The following CTNNA3 variants were observed in gnomAD, a reference collection of about 807,000 sequenced individuals.
CTNNA3 encodes the protein catenin alpha 3.
A neutral mutation model predicts 95.7 loss-of-function variants in CTNNA3; 76 were observed. The observed-to-expected ratio is 0.79, with a 90% confidence interval of 0.66 to 0.96. The LOEUF (loss-of-function observed/expected upper bound fraction) is 0.96, where lower values mean the gene tolerates loss of function less well. Ranked by LOEUF, CTNNA3 falls within the 40% of genes least tolerant of loss-of-function variation. The pLI is 0.00. For missense variants in CTNNA3, 1,191 were observed against 1,089.8 expected (o/e 1.09, Z -1.31); for synonymous variants, 431 against 374.4 (o/e 1.15, Z -1.74).
chr10:67,416,219 G>C (rs1322284839), intron 5 of CTNNA3, among the ~76,000 whole-genome samples: 2 of 152,034 alleles, frequency 1.3e-5, no homozygotes, highest in East Asian at 3.9e-4. Context: ...CCTATAGAAT[G>C]ATACAAGATA....
At chr10:66,891,877 A>T (rs546526893) in intron 7 of CTNNA3, among the ~76,000 whole-genome samples, 3 of 152,244 alleles carry the variant, frequency 2.0e-5, no homozygotes, top group African/African-American at 7.2e-5. Context: ...AATTTAACAA[A>T]TCAAGGAATC....
chr10:66,876,677 C>T (rs1844634536), intron 7 of CTNNA3, among the ~76,000 whole-genome samples: 1 of 138,646 alleles, frequency 7.2e-6, no homozygotes, highest in African/African-American at 2.7e-5. Flanking sequence ...CTAAATTCGG[C>T]CCTAACAATG....
At chr10:67,005,431 A>G (rs986716755) in intron 7 of CTNNA3, among the ~76,000 whole-genome samples, 33 of 152,050 alleles carry the variant, frequency 2.2e-4, no homozygotes, top group African/African-American at 8.0e-4. Context: ...TTCCTAATTC[A>G]AAATTATTTC....
At chr10:67,370,498 G>T (rs2132699001) in intron 5 of CTNNA3, among the ~76,000 whole-genome samples, 1 of 152,248 alleles carries the variant, frequency 6.6e-6, no homozygotes, top group Admixed American at 6.5e-5. Context: ...GTGTTTGCAT[G>T]CGAATAACGA....
chr10:67,724,470 A>G (rs1275573766), intron 1 of CTNNA3, among the ~76,000 whole-genome samples: 1 of 152,182 alleles, frequency 6.6e-6, no homozygotes, highest in Non-Finnish European at 1.5e-5. Context: ...TATTTACACC[A>G]CAGAAATGGC....
intron 10 of CTNNA3, among the ~76,000 whole-genome samples, chr10:66,543,530 CAACT>C (rs1564523024): frequency 6.6e-6 from 1 of 151,950 alleles, no homozygotes; most frequent in Non-Finnish European, 1.5e-5. Flanking sequence ...TTTATAGAGA[CAACT>C]ACCTACACAG....
intron 7 of CTNNA3, among the ~76,000 whole-genome samples, chr10:66,832,902 AT>A (rs1218858457): frequency 3.3e-5 from 5 of 151,932 alleles, no homozygotes; most frequent in African/African-American, 4.8e-5. Flanking sequence ...CTATTCAGAA[AT>A]TTTTTTTCTT....
intron 7 of CTNNA3, among the ~76,000 whole-genome samples, chr10:66,921,343 G>A (rs1353517360): frequency 2.0e-5 from 3 of 152,024 alleles, no homozygotes; most frequent in Admixed American, 6.6e-5. Context: ...TTTTGGGGAC[G>A]GTAAATGAGA....
At chr10:67,148,651 C>T (rs898981538) in intron 7 of CTNNA3, among the ~76,000 whole-genome samples, 4 of 152,188 alleles carry the variant, frequency 2.6e-5, no homozygotes, top group African/African-American at 4.8e-5. Context: ...TACTGACAAA[C>T]ATATCACATC....
At chr10:66,332,983 C>T (rs1419082628) in intron 12 of CTNNA3, among the ~76,000 whole-genome samples, 3 of 151,966 alleles carry the variant, frequency 2.0e-5, no homozygotes, top group Non-Finnish European at 4.4e-5. Flanking sequence ...GGAATTTATC[C>T]ATTTCTTTGA....
intron 11 of CTNNA3, among the ~76,000 whole-genome samples, chr10:66,450,205 T>C (rs1021830574): frequency 2.0e-5 from 3 of 152,118 alleles, no homozygotes; most frequent in African/African-American, 4.8e-5. Context: ...TAGAAACTCA[T>C]GTAATTTAAA....
intron 7 of CTNNA3, among the ~76,000 whole-genome samples, chr10:66,886,600 A>G (rs1276740376): frequency 2.0e-5 from 3 of 152,158 alleles, no homozygotes; most frequent in Non-Finnish European, 4.4e-5. Flanking sequence ...CTCCAGGACC[A>G]TCTAATTCAC....
chr10:66,686,183 A>G (rs558028558), intron 9 of CTNNA3, among the ~76,000 whole-genome samples: 1 of 152,240 alleles, frequency 6.6e-6, no homozygotes, highest in South Asian at 2.1e-4. Context: ...TTTTTTCTAT[A>G]TATCTCAGCT....
chr10:66,843,836 A>G (rs1843155136), intron 7 of CTNNA3, among the ~76,000 whole-genome samples: 1 of 152,202 alleles, frequency 6.6e-6, no homozygotes, highest in African/African-American at 2.4e-5. Context: ...TTGGTGAGAA[A>G]GGGAGTGCAG....
intron 10 of CTNNA3, among the ~76,000 whole-genome samples, chr10:66,583,089 T>A (rs1843245044): frequency 6.6e-6 from 1 of 151,620 alleles, no homozygotes; most frequent in Admixed American, 6.6e-5. Flanking sequence ...AGATTTGGTC[T>A]GTAGTTTTCT....
At chr10:67,508,536 C>G (rs1839501930) in intron 5 of CTNNA3, among the ~76,000 whole-genome samples, 1 of 152,008 alleles carries the variant, frequency 6.6e-6, no homozygotes, top group African/African-American at 2.4e-5. Flanking sequence ...TAAACATAAG[C>G]CCTGAAACCA....
chr10:67,152,411 G>A (rs1219910570), intron 7 of CTNNA3, among the ~76,000 whole-genome samples: 1 of 152,162 alleles, frequency 6.6e-6, no homozygotes, highest in African/African-American at 2.4e-5. Flanking sequence ...TAACACCATT[G>A]ATAGAAATCA....
chr10:66,352,752 A>C (rs1386372372), intron 12 of CTNNA3, among the ~76,000 whole-genome samples: 1 of 152,140 alleles, frequency 6.6e-6, no homozygotes, highest in Non-Finnish European at 1.5e-5. Flanking sequence ...AAAGATACTT[A>C]ACAATATAAT....
At chr10:67,152,885 G>A (rs1861147840) in intron 7 of CTNNA3, among the ~76,000 whole-genome samples, 1 of 151,910 alleles carries the variant, frequency 6.6e-6, no homozygotes. Flanking sequence ...TGAAACTAAC[G>A]TTTATTACAT....
Sources: gnomAD v4.1 joint callset for allele counts (sites outside exome capture counted in the v4.1 genomes callset) on GRCh38, gnomAD v4.1.1 for gene constraint, MANE v1.5 for transcripts, NCBI Gene and HGNC (gene_info 2026-07-23, HGNC 2026-07-21) for gene names.